The following DNM3 variants were observed in gnomAD, a reference collection of about 807,000 sequenced individuals.
DNM3 encodes dynamin-3.
A neutral mutation model predicts 101.6 loss-of-function variants in DNM3; 47 were observed. The ratio of observed to expected loss-of-function variants is 0.46; its 90% CI spans 0.37 to 0.59. The LOEUF (loss-of-function observed/expected upper bound fraction) is 0.59. DNM3 is among the 20% of genes least tolerant of loss of function. The pLI is 0.00. For synonymous variants in DNM3, 385 were observed against 387.9 expected (o/e 0.99, Z 0.09); for missense variants, 849 against 1,085.7 (o/e 0.78, Z 3.06).
At chr1:172,209,780 A>AT (rs1255709857) in intron 14 of DNM3, among the ~76,000 whole-genome samples, 1 of 151,918 alleles carries the variant, frequency 6.6e-6, no homozygotes, top group Non-Finnish European at 1.5e-5. Flanking sequence ...TTCCCAGGCC[A>AT]TTTTTTTCCT....
chr1:172,191,577 A>G (rs547309162), intron 14 of DNM3, among the ~76,000 whole-genome samples: 5 of 152,212 alleles, frequency 3.3e-5, no homozygotes, highest in South Asian at 4.1e-4. Flanking sequence ...CTTGATAGGG[A>G]TGGCATTGAA....
In DNM3 at chr1:172,184,988, G is replaced by A. The variant is rs79056484; in HGVS notation, c.1659+53700G>A. Among the ~76,000 whole-genome samples, 1,350 of 152,020 alleles carry A rather than the reference G, an allele frequency of 8.9e-3. 16 individuals carry two copies. The highest frequency in any genetic ancestry group is 0.029 in the African/African-American group (1,210 of 41,458). On this transcript the variant is annotated intron_variant, in intron 14 of 20. Transcript: ENST00000627582. ...AGAATTGGAACACTAAGAGAGCATCGAACATCTGGAATAGAAGTAAAGTGA... is the reference window on the plus strand; with the variant it reads ...AGAATTGGAACACTAAGAGAGCATCAAACATCTGGAATAGAAGTAAAGTGA...
intron 14 of DNM3, among the ~76,000 whole-genome samples, chr1:172,241,984 A>C (rs1003091827): frequency 6.6e-6 from 1 of 152,188 alleles, no homozygotes; most frequent in Non-Finnish European, 1.5e-5. Context: ...ACTCCAGTTA[A>C]GAGCCTTGAC....
At position 172,068,876 on chromosome 1, in the gene DNM3, C is replaced by A; in HGVS notation, c.1393C>A (p.Arg465Ser). The change falls in exon 11 of 21, where the codon CGT (arginine) becomes AGT (serine). Residue 465 changes from arginine to serine, a missense_variant. Physicochemically the swap from Arg to Ser is moderately radical, Grantham distance 110. Transcript: ENST00000627582. ...ETERIVANHI[R>S]EREGKTKDQV... Reference sequence around the variant, plus strand: ...GGAAAGGATTGTTGCTAACCACATTCGTGAGCGAGAAGGGAAGACAAAGGA... The same window carrying A: ...GGAAAGGATTGTTGCTAACCACATTAGTGAGCGAGAAGGGAAGACAAAGGA... 1 of 1,570,194 alleles carries A rather than the reference C, an allele frequency of 6.4e-7. No individual in the cohort carries two copies. The highest frequency in any genetic ancestry group is 2.3e-5 in the East Asian group (1 of 42,668).
At chr1:172,097,362 T>G (rs1258009555) in intron 13 of DNM3, among the ~76,000 whole-genome samples, 1 of 151,078 alleles carries the variant, frequency 6.6e-6, no homozygotes, top group Non-Finnish European at 1.5e-5. Flanking sequence ...ATCACACCAC[T>G]GCACTCCAGC....
intron 20 of DNM3, 29 bp downstream of exon 20, chr1:172,388,838 T>C (rs756047144): frequency 9.9e-6 from 15 of 1,510,538 alleles, no homozygotes; most frequent in Non-Finnish European, 1.2e-5. Flanking sequence ...ATTGGGGGGG[T>C]AGTGCGCCTT....
At chr1:171,922,879 T>G (rs1030530851) in intron 2 of DNM3, among the ~76,000 whole-genome samples, 1 of 152,246 alleles carries the variant, frequency 6.6e-6, no homozygotes, top group Non-Finnish European at 1.5e-5. Context: ...GTATTAGAAC[T>G]TCATTTCTTT....
chr1:172,041,012 T>G lies in DNM3; in HGVS notation c.993-997T>G, dbSNP rs116526324. ...GATGGGCTAAAGAGTTTTGATTGTA[T>G]TATCGAATTGTGGGGATCCATTGAA... On this transcript the variant is annotated intron_variant, in intron 7 of 20. Coordinates refer to ENST00000627582, the MANE Select transcript of DNM3 (RefSeq NM_015569.5). Among the ~76,000 whole-genome samples, 121 of 152,164 alleles carry G rather than the reference T, an allele frequency of 8.0e-4. 2 individuals carry two copies. Among genetic ancestry groups the G allele is most frequent in the African/African-American group, 2.7e-3 (114 of 41,538 alleles).
rs35963512 is a variant in DNM3, at chr1:172,214,515, T to TCC, written c.1660-39052_1660-39051dup. 2.5e-3 allele frequency among the ~76,000 whole-genome samples: 386 copies of TCC among 151,508 alleles called. 1 individual carries two copies. Among genetic ancestry groups the TCC allele is most frequent in the African/African-American group, 8.9e-3 (369 of 41,254 alleles). ...CATATATACACATACACACACCTCA[T>TCC]CCCCCCCACACACAAATAATTGGCA... is the stretch of plus-strand genomic sequence containing the variant. On this transcript the variant is annotated intron_variant, in intron 14 of 20. Coordinates refer to ENST00000627582, the MANE Select transcript of DNM3 (RefSeq NM_015569.5).
At chr1:171,998,623 C>G (rs1417983331) in intron 4 of DNM3, among the ~76,000 whole-genome samples, 1 of 151,994 alleles carries the variant, frequency 6.6e-6, no homozygotes, top group African/African-American at 2.4e-5. Flanking sequence ...AGCTTGTATT[C>G]TAATGGGGGA....
chr1:172,207,234 G>C (rs1455478152), intron 14 of DNM3, among the ~76,000 whole-genome samples: 2 of 152,006 alleles, frequency 1.3e-5, no homozygotes, highest in Non-Finnish European at 2.9e-5. Flanking sequence ...TGATGCCTAG[G>C]GTTCCAGTGT....
intron 17 of DNM3, among the ~76,000 whole-genome samples, chr1:172,352,343 T>A (rs1451976059): frequency 1.3e-5 from 2 of 152,232 alleles, no homozygotes; most frequent in African/African-American, 4.8e-5. Flanking sequence ...TGACTATTTG[T>A]AAAGTGAACT....
At chr1:172,291,580 T>C (rs527975950) in intron 15 of DNM3, among the ~76,000 whole-genome samples, 1 of 152,298 alleles carries the variant, frequency 6.6e-6, no homozygotes, top group African/African-American at 2.4e-5. Context: ...GAAGCAAGAT[T>C]CTCCATTAAG....
At chr1:171,849,578 G>A (rs1019143622) in intron 1 of DNM3, among the ~76,000 whole-genome samples, 6 of 152,158 alleles carry the variant, frequency 3.9e-5, no homozygotes, top group African/African-American at 1.4e-4. Context: ...CTTACTTGTA[G>A]ATAAGGCTAA....
chr1:172,290,689 T>A (rs1055858169), intron 15 of DNM3, among the ~76,000 whole-genome samples: 1 of 152,000 alleles, frequency 6.6e-6, no homozygotes, highest in African/African-American at 2.4e-5. Flanking sequence ...ATCATCCCAA[T>A]GAGAGAAGAT....
At chr1:172,184,848 G>T (rs2059467656) in intron 14 of DNM3, among the ~76,000 whole-genome samples, 1 of 152,084 alleles carries the variant, frequency 6.6e-6, no homozygotes, top group Non-Finnish European at 1.5e-5. Flanking sequence ...GGAATGAACT[G>T]TGTAGCTGAG....
At chr1:172,248,694 G>A (rs1448470932) in intron 14 of DNM3, among the ~76,000 whole-genome samples, 1 of 152,086 alleles carries the variant, frequency 6.6e-6, no homozygotes, top group Non-Finnish European at 1.5e-5. Flanking sequence ...AATCAGTCTA[G>A]ACTTTGTAAA....
At chr1:172,024,581 C>T (rs985596560) in intron 4 of DNM3, among the ~76,000 whole-genome samples, 5 of 152,188 alleles carry the variant, frequency 3.3e-5, no homozygotes, top group African/African-American at 1.2e-4. Context: ...CAGGTGATTT[C>T]TGTAATCCAA....
At chr1:172,272,813 G>A (rs1192369906) in intron 15 of DNM3, among the ~76,000 whole-genome samples, 1 of 151,984 alleles carries the variant, frequency 6.6e-6, no homozygotes. Context: ...CTGTTATCCA[G>A]TAGACATTCA....
Sources: allele counts gnomAD v4.1 joint callset (sites outside exome capture counted in the v4.1 genomes callset), GRCh38; gene constraint gnomAD v4.1.1; transcripts MANE v1.5; gene names NCBI Gene and HGNC (gene_info 2026-07-23, HGNC 2026-07-21).